The following GRIN2A variants were observed in gnomAD, a reference collection of about 807,000 sequenced individuals.
The protein encoded by GRIN2A is glutamate receptor ionotropic, NMDA 2A.
GRIN2A carries 22 observed loss-of-function variants against 113.4 expected under a neutral mutation model. The ratio of observed to expected loss-of-function variants is 0.19; its 90% CI spans 0.14 to 0.28. GRIN2A has a LOEUF of 0.28. GRIN2A is among the 10% of genes least tolerant of loss of function. The pLI, the probability that GRIN2A is intolerant of heterozygous loss-of-function variation, is 1.00. For missense variants in GRIN2A, 1,502 were observed against 1,887.0 expected, an observed-to-expected ratio of 0.80 and a Z score of 3.78; for synonymous variants, 827 against 738.4, an observed-to-expected ratio of 1.12 and a Z score of -1.94.
chr16:10,168,180 G>A (rs971143913), intron 2 of GRIN2A, among the ~76,000 whole-genome samples: 6 of 152,226 alleles, frequency 3.9e-5, no homozygotes, highest in East Asian at 1.9e-4. Context: ...ATATGAGGCC[G>A]GCTGACCTAC....
chr16:9,908,026 C>A (rs2044061949), intron 3 of GRIN2A, among the ~76,000 whole-genome samples: 1 of 152,146 alleles, frequency 6.6e-6, no homozygotes, highest in African/African-American at 2.4e-5. Flanking sequence ...GAGTCCTGAG[C>A]AGCGTTGAGA....
At chr16:9,923,296 G>A (rs971758695) in intron 3 of GRIN2A, among the ~76,000 whole-genome samples, 1 of 152,176 alleles carries the variant, frequency 6.6e-6, no homozygotes, top group African/African-American at 2.4e-5. Context: ...GTATTAGTGT[G>A]TACATATTTT....
chr16:9,807,253 GAGAGA>G (rs2041991640), intron 10 of GRIN2A, among the ~76,000 whole-genome samples: 1 of 22,054 alleles, frequency 4.5e-5, no homozygotes, highest in Non-Finnish European at 8.9e-5. Context: ...GGAGGGAGGG[GAGAGA>G]GGGAGGGAGG....
At chr16:9,823,428 C>A (rs2042326243) in intron 9 of GRIN2A, among the ~76,000 whole-genome samples, 1 of 152,136 alleles carries the variant, frequency 6.6e-6, no homozygotes, top group Non-Finnish European at 1.5e-5. Flanking sequence ...TCTCAACATA[C>A]ATTTGTCAAG....
At chr16:9,965,160 TA>T (rs1259596118) in intron 2 of GRIN2A, among the ~76,000 whole-genome samples, 1 of 152,202 alleles carries the variant, frequency 6.6e-6, no homozygotes, top group Non-Finnish European at 1.5e-5. Context: ...ACTTCTTCAC[TA>T]AATACTATCA....
rs1346424964 is a variant in GRIN2A, at chr16:9,753,653, A to G, written c.*9496T>C. ...CTCTATCATAGAAAGGTGTTAAGCA[A>G]ACATATAATTTTGTAGCTATGCTTG... On this transcript the variant is annotated 3_prime_UTR_variant, in exon 13 of 13. Coordinates refer to ENST00000330684, the MANE Select transcript of GRIN2A (RefSeq NM_001134407.3). The G allele has an allele frequency of 1.0e-5, 2 of 195,694 alleles. No homozygotes were observed. The highest frequency in any genetic ancestry group is 1.9e-4 in the South Asian group (1 of 5,216). 12.1% of individuals were successfully genotyped at this position (195,694 alleles called of 1,614,324 possible). A position where few individuals can be genotyped will look rare whatever the true frequency, so the allele number is the denominator to read the frequency against.
chr16:9,893,113 G>A (rs1206904811), intron 3 of GRIN2A, among the ~76,000 whole-genome samples: 2 of 152,088 alleles, frequency 1.3e-5, no homozygotes, highest in Non-Finnish European at 2.9e-5. Flanking sequence ...AGAAATTGGG[G>A]AAAAGGAAAA....
Position 10,136,151 on chromosome 16 carries a change from G to T in GRIN2A, c.414+43847C>A, listed in dbSNP as rs962280190. Among the ~76,000 whole-genome samples the T allele has an allele frequency of 5.9e-5, 9 of 151,992 alleles. No homozygotes were observed. The East Asian group carries it at 7.7e-4, about 13-fold the overall frequency. On this transcript the variant is annotated intron_variant, in intron 2 of 12. Transcript: ENST00000330684. ...CTCTGCTCCACCATCCAACCCCACT[G>T]GTTCTGAAGGTTTCCTATTGAACCA...
Position 9,762,775 on chromosome 16 carries a change from A to AT in GRIN2A, c.*373dup. The AT allele has an allele frequency of 2.5e-6, 1 of 396,708 alleles. No individual in the cohort carries two copies. Among genetic ancestry groups the AT allele is most frequent in the Non-Finnish European group, 4.6e-6 (1 of 216,586 alleles). 24.6% of individuals were successfully genotyped at this position (396,708 alleles called of 1,614,324 possible). A position where few individuals can be genotyped will look rare whatever the true frequency, so the allele number is the denominator to read the frequency against. ...ACCATTAGGCATTTCTGATGAGAAAATTACATGGTGGGCTGACCTTAATGG... is the reference window on the plus strand; with the variant it reads ...ACCATTAGGCATTTCTGATGAGAAAATTTACATGGTGGGCTGACCTTAATGG... On this transcript the variant is annotated 3_prime_UTR_variant, in exon 13 of 13. Coordinates refer to ENST00000330684, the MANE Select transcript of GRIN2A (RefSeq NM_001134407.3).
At chr16:10,111,715 C>A (rs1400903008) in intron 2 of GRIN2A, 23 of 1,547,388 alleles carry the variant, frequency 1.5e-5, no homozygotes, top group Non-Finnish European at 2.0e-5. Context: ...GAAGTTTGAA[C>A]AGGGCTTCAT....
intron 2 of GRIN2A, among the ~76,000 whole-genome samples, chr16:10,084,344 G>A (rs1325549926): frequency 6.6e-6 from 1 of 152,068 alleles, no homozygotes; most frequent in Non-Finnish European, 1.5e-5. Context: ...CTCATACAGA[G>A]CAAACCCCTT....
chr16:9,771,492 TA>T (rs908409115), intron 11 of GRIN2A, among the ~76,000 whole-genome samples: 1 of 152,184 alleles, frequency 6.6e-6, no homozygotes, highest in African/African-American at 2.4e-5. Flanking sequence ...ATATAAAGTT[TA>T]AAAGTTTTTA....
chr16:10,096,379 C>T (rs1487797035), intron 2 of GRIN2A, among the ~76,000 whole-genome samples: 1 of 152,150 alleles, frequency 6.6e-6, no homozygotes, highest in Non-Finnish European at 1.5e-5. Flanking sequence ...CTCACCCAGA[C>T]CTACTGAATC....
chr16:9,798,224 C>T (rs375016465), intron 11 of GRIN2A, 53 bp downstream of exon 11: 19 of 1,447,740 alleles, frequency 1.3e-5, no homozygotes, highest in African/African-American at 8.3e-5. Flanking sequence ...GCAAACAAAG[C>T]GAGTGTGAGG....
intron 3 of GRIN2A, among the ~76,000 whole-genome samples, chr16:9,936,004 C>A (rs995331551): frequency 6.6e-6 from 1 of 152,150 alleles, no homozygotes; most frequent in African/African-American, 2.4e-5. Context: ...ACCCAGCCTG[C>A]TGACTGTAAT....
chr16:10,057,888 G>A (rs2047481938), intron 2 of GRIN2A, among the ~76,000 whole-genome samples: 1 of 152,190 alleles, frequency 6.6e-6, no homozygotes, highest in Admixed American at 6.5e-5. Context: ...TGACTTTTAT[G>A]TGCCAACGAC....
chr16:10,002,153 G>T (rs980168768), intron 2 of GRIN2A, among the ~76,000 whole-genome samples: 2 of 152,170 alleles, frequency 1.3e-5, no homozygotes, highest in African/African-American at 4.8e-5. Context: ...TCACACTAGA[G>T]CTTGCAAATG....
At chr16:9,799,949 C>T (rs2141236041) in intron 10 of GRIN2A, among the ~76,000 whole-genome samples, 1 of 145,570 alleles carries the variant, frequency 6.9e-6, no homozygotes, top group Middle Eastern at 3.5e-3. Flanking sequence ...TCTCCAAGGG[C>T]ACAACTGTGC....
At chr16:9,977,045 C>CT (rs1426624862) in intron 2 of GRIN2A, among the ~76,000 whole-genome samples, 1 of 152,248 alleles carries the variant, frequency 6.6e-6, no homozygotes, top group Non-Finnish European at 1.5e-5. Flanking sequence ...TCCACCTTCT[C>CT]TAACTGATCA....
Sources: gnomAD v4.1 joint callset for allele counts (sites outside exome capture counted in the v4.1 genomes callset) on GRCh38, gnomAD v4.1.1 for gene constraint, MANE v1.5 for transcripts, NCBI Gene and HGNC (gene_info 2026-07-23, HGNC 2026-07-21) for gene names.